The following STXBP5 variants were observed in gnomAD, a reference collection of about 807,000 sequenced individuals.
The protein encoded by STXBP5 is syntaxin-binding protein 5.
STXBP5 carries 50 observed loss-of-function variants against 152.4 expected under a neutral mutation model. That is an observed-to-expected ratio of 0.33 (90% CI 0.26 to 0.42). STXBP5 has a LOEUF of 0.42. STXBP5 is among the 10% of genes least tolerant of loss of function. The pLI is 1.00. For missense variants in STXBP5, 1,167 were observed against 1,388.6 expected (o/e 0.84, Z 2.54); for synonymous variants, 492 against 494.7 (o/e 0.99, Z 0.07).
At chr6:147,266,736 C>T (rs1779910853) in intron 6 of STXBP5, among the ~76,000 whole-genome samples, 1 of 152,080 alleles carries the variant, frequency 6.6e-6, no homozygotes, top group African/African-American at 2.4e-5. Context: ...TGGAACTAAT[C>T]AATATATAGT....
intron 22 of STXBP5, 57 bp from the exon 23 acceptor site, chr6:147,359,027 A>G: frequency 1.9e-6 from 3 of 1,567,544 alleles, no homozygotes; most frequent in African/African-American, 1.4e-5. Context: ...TTAAAAAACA[A>G]CACAAATAAC....
At chr6:147,269,161 A>G (rs772586498) in intron 7 of STXBP5, among the ~76,000 whole-genome samples, 5 of 152,240 alleles carry the variant, frequency 3.3e-5, no homozygotes, top group Non-Finnish European at 7.3e-5. Flanking sequence ...AGGAAACAGT[A>G]GAACCATTTC....
At position 147,382,900 on chromosome 6, in the gene STXBP5, C is replaced by T. The variant is rs759189060; in HGVS notation, c.3316C>T (p.Leu1106=). The T allele has an allele frequency of 4.3e-6, 7 of 1,613,388 alleles. No homozygotes were observed. Among genetic ancestry groups the T allele is most frequent in the Non-Finnish European group, 5.9e-6 (7 of 1,179,708 alleles). Residue 1106 remains leucine (L), a synonymous_variant, in exon 27 of 28, where the codon CTG becomes TTG. Transcript: ENST00000321680. ...TGTTGGTGAATTAGCACGAGCCAGG[C>T]TGGCACTAGATGAAAGAGGGCAGAA... The part of the protein sequence containing the change: ...GVVGELARAR[L]ALDERGQKLG...
intron 2 of STXBP5, among the ~76,000 whole-genome samples, chr6:147,233,715 A>C (rs991396680): frequency 6.6e-6 from 1 of 151,670 alleles, no homozygotes; most frequent in East Asian, 1.9e-4. Context: ...ACGGAGATAC[A>C]GACTTTTCTT....
In STXBP5 at chr6:147,302,707, C is replaced by G. The variant is rs113912897; in HGVS notation, c.918-7377C>G. 3.8e-3 allele frequency among the ~76,000 whole-genome samples: 575 copies of G among 152,198 alleles called. 3 individuals carry two copies. The highest frequency in any genetic ancestry group is 0.013 in the African/African-American group (552 of 41,538). The stretch of plus-strand genomic sequence containing the variant: ...GCATGTACCTGTAATCCCAGCTACT[C>G]AGGAGGCTGAGGCAGGAGAATCACT... On this transcript the variant is annotated intron_variant, in intron 9 of 27. Coordinates refer to ENST00000321680, the MANE Select transcript of STXBP5 (RefSeq NM_001127715.4).
intron 7 of STXBP5, 149 bp downstream of exon 7, chr6:147,267,316 C>T: frequency 3.3e-6 from 2 of 599,908 alleles, no homozygotes; most frequent in Non-Finnish European, 5.6e-6. Context: ...TATGTTCACA[C>T]AATTCAAAAG....
intron 6 of STXBP5, among the ~76,000 whole-genome samples, chr6:147,263,557 C>A (rs948739479): frequency 9.9e-5 from 15 of 151,826 alleles, no homozygotes; most frequent in Admixed American, 7.9e-4. Context: ...TAGTATCTAA[C>A]AAATAAAATC....
intron 2 of STXBP5, among the ~76,000 whole-genome samples, chr6:147,212,468 A>G (rs1776907916): frequency 6.6e-6 from 1 of 152,218 alleles, no homozygotes; most frequent in Non-Finnish European, 1.5e-5. Flanking sequence ...CTTACCTTGT[A>G]TAAGTCAACT....
At chr6:147,328,427 C>T (rs1783384862) in intron 18 of STXBP5, among the ~76,000 whole-genome samples, 1 of 152,212 alleles carries the variant, frequency 6.6e-6, no homozygotes, top group South Asian at 2.1e-4. Flanking sequence ...AATTAAAATT[C>T]ATTCTGCAAA....
intron 2 of STXBP5, among the ~76,000 whole-genome samples, chr6:147,225,397 C>T (rs1224299145): frequency 1.3e-5 from 2 of 152,122 alleles, no homozygotes; most frequent in African/African-American, 4.8e-5. Context: ...TCTCCAGTTG[C>T]TTTCTATTTT....
intron 25 of STXBP5, among the ~76,000 whole-genome samples, chr6:147,367,021 AACTG>A (rs1423068359): frequency 6.6e-6 from 1 of 152,196 alleles, no homozygotes; most frequent in East Asian, 1.9e-4. Context: ...ACCAAACCAG[AACTG>A]ACATACATAC....
chr6:147,291,757 CAT>C (rs1292370199), intron 9 of STXBP5, among the ~76,000 whole-genome samples: 1 of 151,910 alleles, frequency 6.6e-6, no homozygotes, highest in Non-Finnish European at 1.5e-5. Context: ...AAGAAAAAAA[CAT>C]AAAATATCTG....
chr6:147,252,744 C>T (rs1001293998), intron 4 of STXBP5, among the ~76,000 whole-genome samples: 25 of 152,078 alleles, frequency 1.6e-4, no homozygotes, highest in African/African-American at 5.8e-4. Context: ...AGATACTCCT[C>T]GAGAAGTGCA....
chr6:147,275,594 G>T (rs1780402931), intron 7 of STXBP5, among the ~76,000 whole-genome samples: 1 of 108,050 alleles, frequency 9.3e-6, no homozygotes, highest in African/African-American at 3.7e-5. Context: ...GTCTCGCTCT[G>T]TTGCCCAGGC....
At chr6:147,244,987 CTTT>C (rs57889304) in intron 4 of STXBP5, among the ~76,000 whole-genome samples, 1 of 86,194 alleles carries the variant, frequency 1.2e-5, no homozygotes, top group Non-Finnish European at 2.2e-5. Flanking sequence ...TGCTGAGCTG[CTTT>C]TTTTTTTTTT....
In STXBP5 at chr6:147,254,354, A is replaced by G. The variant is rs143209036; in HGVS notation, c.432-6261A>G. Among the ~76,000 whole-genome samples the G allele has an allele frequency of 5.6e-3, 853 of 152,338 alleles. 4 individuals are homozygous for G. Among genetic ancestry groups the G allele is most frequent in the Non-Finnish European group, 9.3e-3 (631 of 68,032 alleles). ...CCATAAAAACCATAAAAGAAAACCT[A>G]TTCAAAACCATTCAGGACATAGGAA... On this transcript the variant is annotated intron_variant, in intron 4 of 27. Transcript: ENST00000321680.
At chr6:147,378,800 A>C (rs1785934329) in intron 26 of STXBP5, among the ~76,000 whole-genome samples, 2 of 152,196 alleles carry the variant, frequency 1.3e-5, no homozygotes, top group African/African-American at 4.8e-5. Context: ...AAAAATGAAA[A>C]ACTTTAAATT....
chr6:147,303,356 C>T (rs184008704), intron 9 of STXBP5, among the ~76,000 whole-genome samples: 6 of 152,236 alleles, frequency 3.9e-5, no homozygotes, highest in African/African-American at 1.4e-4. Flanking sequence ...TTGCTCGGCT[C>T]TCTGTCATGT....
intron 6 of STXBP5, among the ~76,000 whole-genome samples, chr6:147,264,328 T>C (rs1451609372): frequency 2.0e-5 from 3 of 152,100 alleles, no homozygotes; most frequent in Non-Finnish European, 4.4e-5. Context: ...ATAGCTACCA[T>C]TTATTTAATT....
Sources: allele counts gnomAD v4.1 joint callset (sites outside exome capture counted in the v4.1 genomes callset), GRCh38; gene constraint gnomAD v4.1.1; transcripts MANE v1.5; gene names NCBI Gene and HGNC (gene_info 2026-07-23, HGNC 2026-07-21).